CCDC116: variants seen among roughly 807,000 people sequenced by gnomAD.
CCDC116 encodes the protein coiled-coil domain-containing protein 116.
A neutral mutation model predicts 29.4 loss-of-function variants in CCDC116; 24 were observed. The observed-to-expected ratio is 0.82, with a 90% CI of 0.59 to 1.15. CCDC116 has a LOEUF of 1.15. Ranked by LOEUF, CCDC116 falls within the 50% of genes most tolerant of loss-of-function variation. CCDC116 has a pLI of 0.00. For missense variants in CCDC116, 791 were observed against 804.0 expected (o/e 0.98, Z 0.20); for synonymous variants, 298 against 331.4 (o/e 0.90, Z 1.10).
chr22:21,634,782 C>A lies in CCDC116; in HGVS notation c.719C>A (p.Ser240Tyr), dbSNP rs753519659. Residue 240 changes from serine (S) to tyrosine (Y), a missense_variant, in exon 4 of 5, where the codon TCC becomes TAC. By Grantham distance (144) the Ser-to-Tyr change is moderately radical (BLOSUM62 -2). Transcript: ENST00000292779. ...SFQWTQEQPLSWFSGLLGSSS... is the reference protein window; with the variant it reads ...SFQWTQEQPLYWFSGLLGSSS... The stretch of plus-strand genomic sequence containing the variant: ...CAGTGGACACAGGAGCAGCCCTTGT[C>A]CTGGTTCTCAGGGCTGCTGGGCTCA... 3 of 1,614,018 alleles carry A rather than the reference C, an allele frequency of 1.9e-6. No homozygotes were observed. The highest frequency in any genetic ancestry group is 1.6e-4 in the Middle Eastern group (1 of 6,062).
chr22:21,636,716 C>T lies in CCDC116; in HGVS notation c.1488C>T (p.Ser496=), dbSNP rs1930820190. Residue 496 remains serine (S), a synonymous_variant, in exon 5 of 5, where the codon AGC becomes AGT. Coordinates refer to ENST00000292779, the MANE Select transcript of CCDC116 (RefSeq NM_152612.3). ...ACCTGTCCTCGGAGACCCACCGGAG[C>T]TGCCTGCTGCGTAAACTGGAGGAGT... ...RIHLSSETHR[S]CLLRKLEESK... is the part of the protein sequence containing the mutation. The T allele has an allele frequency of 6.2e-7, 1 of 1,613,510 alleles. No homozygotes were observed. Among genetic ancestry groups the T allele is most frequent in the Non-Finnish European group, 8.5e-7 (1 of 1,180,024 alleles).
rs781429637 is a variant in CCDC116 at position 21,636,587 on chromosome 22, C to G, written c.1359C>G (p.Phe453Leu). 2 of 1,614,134 alleles carry G rather than the reference C, an allele frequency of 1.2e-6. No homozygotes were observed. The highest frequency in any genetic ancestry group is 1.7e-6 in the Non-Finnish European group (2 of 1,180,030). Residue 453 changes from phenylalanine to leucine, a missense_variant, in exon 5 of 5, where the codon TTC (phenylalanine) becomes TTG (leucine). Coordinates refer to ENST00000292779, the MANE Select transcript of CCDC116 (RefSeq NM_152612.3). The part of the protein sequence containing the change: ...AASLVIRKYE[F>L]EKDLSKQLGF... ...CCTTGGTCATCCGCAAGTACGAGTT[C>G]GAAAAGGACCTCAGTAAGCAGCTGG...
chr22:21,636,819 G>C lies in CCDC116; in HGVS notation c.1591G>C (p.Ala531Pro). Residue 531 changes from alanine (A) to proline (P), a missense_variant, in exon 5 of 5, where the codon GCC (alanine) becomes CCC (proline). Transcript: ENST00000292779. ...GACACCCTCTGTGCAGCAGGAACCAGCCACCCACACTGCCCAGGACCAGGC... is the reference window on the plus strand; with the variant it reads ...GACACCCTCTGTGCAGCAGGAACCACCCACCCACACTGCCCAGGACCAGGC... ...TETPSVQQEPATHTAQDQATE... is the reference protein window; with the variant it reads ...TETPSVQQEPPTHTAQDQATE... 1 of 1,613,106 alleles carries C rather than the reference G, an allele frequency of 6.2e-7. No individual in the cohort carries two copies. The highest frequency in any genetic ancestry group is 8.5e-7 in the Non-Finnish European group (1 of 1,180,000).
At chr22:21,633,013 G>A (rs1353085918) in intron 1 of CCDC116, 107 bp from the exon 2 acceptor site, 2 of 717,200 alleles carry the variant, frequency 2.8e-6, no homozygotes, top group South Asian at 3.0e-5. Context: ...GGAAGGGCTG[G>A]ATGCATGAAG....
In CCDC116 at chr22:21,634,835, C is replaced by T; in HGVS notation, c.772C>T (p.Pro258Ser). ...CTCTGGCGTGCCTGAAGCATCAGAG[C>T]CGAGGCCTGGAGAACAGGAGCCAAT... ...SSSGVPEASE[P>S]RPGEQEPIFR... The change falls in exon 4 of 5, where the codon CCG becomes TCG. Residue 258 changes from proline to serine, a missense_variant. Pro to Ser is a moderately conservative substitution (Grantham distance 74). Transcript: ENST00000292779. 1 of 1,614,016 alleles carries T rather than the reference C, an allele frequency of 6.2e-7. No individual in the cohort carries two copies. The highest frequency in any genetic ancestry group is 1.1e-5 in the South Asian group (1 of 91,088).
chr22:21,635,695 T>G (rs1930773077), intron 4 of CCDC116: 1 of 645,876 alleles, frequency 1.5e-6, no homozygotes, highest in African/African-American at 1.8e-5. Context: ...TGCCCTGCAC[T>G]GTGGAAACCT....
Position 21,634,876 on chromosome 22 carries a change from G to T in CCDC116, c.813G>T (p.Glu271Asp). 1 of 1,613,986 alleles carries T rather than the reference G, an allele frequency of 6.2e-7. No homozygotes were observed. ...GEQEPIFRKR[E>D]FNKEIKSLLS... is the part of the protein sequence containing the mutation. ...AGGAGCCAATCTTCCGCAAGCGAGA[G>T]TTCAATAAGGAGATCAAGTCATTAC... Residue 271 changes from glutamate to aspartate, a missense_variant, in exon 4 of 5, where the codon GAG (glutamate) becomes GAT (aspartate). Coordinates refer to ENST00000292779, the MANE Select transcript of CCDC116 (RefSeq NM_152612.3).
Position 21,633,999 on chromosome 22 carries a change from CT to C in CCDC116, c.73-22del, listed in dbSNP as rs568976617. 137 of 1,580,366 alleles carry C rather than the reference CT, an allele frequency of 8.7e-5. No homozygotes were observed. The South Asian group carries it at 1.5e-3, about 18-fold the overall frequency. ...TTCACCTGTAGGGCACCCCTGCCCC[CT>C]GTGACATACCTGTCTGCTCAGGTGC... On this transcript the variant is annotated intron_variant, in intron 2 of 4. Coordinates refer to ENST00000292779, the MANE Select transcript of CCDC116 (RefSeq NM_152612.3).
At position 21,634,769 on chromosome 22, in the gene CCDC116, G is replaced by C. The variant is rs1331598953; in HGVS notation, c.706G>C (p.Glu236Gln). The change falls in exon 4 of 5, where the codon GAG becomes CAG. Residue 236 changes from glutamate (E) to glutamine (Q), a missense_variant. Glu to Gln is a conservative substitution (Grantham distance 29). Transcript: ENST00000292779. The part of the protein sequence containing the change: ...GSQTSFQWTQ[E>Q]QPLSWFSGLL... Reference sequence around the variant, plus strand: ...CCAGACCAGCTTTCAGTGGACACAGGAGCAGCCCTTGTCCTGGTTCTCAGG... The same window carrying C: ...CCAGACCAGCTTTCAGTGGACACAGCAGCAGCCCTTGTCCTGGTTCTCAGG... The C allele has an allele frequency of 2.5e-6, 4 of 1,613,968 alleles. No homozygotes were observed. In the Admixed American group the frequency reaches 6.7e-5, roughly 27 times the overall value.
In CCDC116 at chr22:21,636,789, A is replaced by T. The variant is rs376893341; in HGVS notation, c.1561A>T (p.Thr521Ser). The change falls in exon 5 of 5, where the codon ACA becomes TCA. Residue 521 changes from threonine to serine, a missense_variant. Transcript: ENST00000292779. Reference sequence around the variant, plus strand: ...CCGGCTCAGCACCTCCCACTGCAGCACAGAGACACCCTCTGTGCAGCAGGA... The same window carrying T: ...CCGGCTCAGCACCTCCCACTGCAGCTCAGAGACACCCTCTGTGCAGCAGGA... ...ASRLSTSHCS[T>S]ETPSVQQEPA... 2.5e-6 allele frequency: 4 copies of T among 1,612,708 alleles called. No individual in the cohort carries two copies. The highest frequency in any genetic ancestry group is 3.4e-6 in the Non-Finnish European group (4 of 1,179,988).
At chr22:21,633,934 C>T (rs1930651959) in intron 2 of CCDC116, 88 bp from the exon 3 acceptor site, 1 of 1,331,588 alleles carries the variant, frequency 7.5e-7, no homozygotes, top group Admixed American at 2.2e-5. Flanking sequence ...CCTTCCACTA[C>T]TCACTCCCAC....
Position 21,636,639 on chromosome 22 carries a change from G to C in CCDC116, c.1411G>C (p.Val471Leu), listed in dbSNP as rs756410812. ...CTTCTTCTCCTTCCCCATCACCCACGTGCTCAGGGACCTTTCCCTGGGCTT... is the reference window on the plus strand; with the variant it reads ...CTTCTTCTCCTTCCCCATCACCCACCTGCTCAGGGACCTTTCCCTGGGCTT... The part of the protein sequence containing the change: ...LGFFSFPITH[V>L]LRDLSLGLKK... The change falls in exon 5 of 5, where the codon GTG (valine) becomes CTG (leucine). Residue 471 changes from valine (V) to leucine (L), a missense_variant. Coordinates refer to ENST00000292779, the MANE Select transcript of CCDC116 (RefSeq NM_152612.3). 5 of 1,614,010 alleles carry C rather than the reference G, an allele frequency of 3.1e-6. No homozygotes were observed. Among genetic ancestry groups the C allele is most frequent in the African/African-American group, 1.3e-5 (1 of 75,008 alleles).
intron 1 of CCDC116, 52 bp from the exon 2 acceptor site, chr22:21,633,068 C>A: frequency 1.2e-6 from 1 of 835,854 alleles, no homozygotes; most frequent in Non-Finnish European, 2.0e-6. Flanking sequence ...TCCAGGGCCA[C>A]AGATGCGTGG....
chr22:21,635,186 A>T lies in CCDC116; in HGVS notation c.1123A>T (p.Met375Leu), dbSNP rs1425800906. Residue 375 changes from methionine (M) to leucine (L), a missense_variant, in exon 4 of 5, where the codon ATG (methionine) becomes TTG (leucine). Physicochemically the swap from Met to Leu is conservative, Grantham distance 15 (BLOSUM62 2). Coordinates refer to ENST00000292779, the MANE Select transcript of CCDC116 (RefSeq NM_152612.3). Reference protein sequence around the residue: ...SPRPTVSSPKMLQRKRKDRGG... With the variant: ...SPRPTVSSPKLLQRKRKDRGG... ...CCGCCCCACAGTCTCCAGCCCCAAG[A>T]TGCTTCAGAGAAAACGCAAGGACAG... 2 of 1,600,540 alleles carry T rather than the reference A, an allele frequency of 1.2e-6. No homozygotes were observed. The highest frequency in any genetic ancestry group is 2.2e-5 in the South Asian group (2 of 91,068).
intron 4 of CCDC116, among the ~76,000 whole-genome samples, chr22:21,636,099 G>A (rs1386698913): frequency 6.6e-6 from 1 of 152,204 alleles, no homozygotes; most frequent in African/African-American, 2.4e-5. Context: ...CACAGGCCTG[G>A]GCAGGAGCCT....
Position 21,636,585 on chromosome 22 carries a change from T to C in CCDC116, c.1357T>C (p.Phe453Leu). ...AASLVIRKYE[F>L]EKDLSKQLGF... is the part of the protein sequence containing the mutation. ...CTCCTTGGTCATCCGCAAGTACGAG[T>C]TCGAAAAGGACCTCAGTAAGCAGCT... The change falls in exon 5 of 5, where the codon TTC becomes CTC. Residue 453 changes from phenylalanine (F) to leucine (L), a missense_variant. Physicochemically the swap from Phe to Leu is conservative, Grantham distance 22 (BLOSUM62 0). Transcript: ENST00000292779. 1 of 1,613,884 alleles carries C rather than the reference T, an allele frequency of 6.2e-7. No individual in the cohort carries two copies. The highest frequency in any genetic ancestry group is 8.5e-7 in the Non-Finnish European group (1 of 1,179,958).
intron 4 of CCDC116, 104 bp from the exon 5 acceptor site, chr22:21,636,328 C>T: frequency 1.9e-6 from 2 of 1,032,656 alleles, no homozygotes; most frequent in African/African-American, 1.6e-5. Flanking sequence ...ATGGGCAGGG[C>T]TGGCAGGGCT....
chr22:21,632,837 T>G lies in CCDC116; in HGVS notation c.-63+10T>G. The G allele has an allele frequency of 2.2e-6, 1 of 453,664 alleles. No individual in the cohort carries two copies. The highest frequency in any genetic ancestry group is 4.2e-6 in the Non-Finnish European group (1 of 238,650). 28.1% of individuals were successfully genotyped at this position (453,664 alleles called of 1,614,324 possible). On this transcript the variant is annotated intron_variant, in intron 1 of 4. Transcript: ENST00000292779. Reference sequence around the variant, plus strand: ...CAAGGCGGTGTTTCTGGTGAGTCTGTTGATTCTGGGCTGGGGTGAAAGCCA... The same window carrying G: ...CAAGGCGGTGTTTCTGGTGAGTCTGGTGATTCTGGGCTGGGGTGAAAGCCA...
rs2066041347 is a variant in CCDC116, at chr22:21,637,243, G to A, written c.*173G>A. 2.2e-6 allele frequency: 2 copies of A among 928,074 alleles called. No individual in the cohort carries two copies. The highest frequency in any genetic ancestry group is 3.2e-5 in the Admixed American group (1 of 31,606). The allele number at this position is 928,074 out of a possible 1,614,324, so 57.5% of individuals were successfully genotyped here. On this transcript the variant is annotated 3_prime_UTR_variant, in exon 5 of 5. Coordinates refer to ENST00000292779, the MANE Select transcript of CCDC116 (RefSeq NM_152612.3). ...GTCACCACAGGCTGAATGCCCACGA[G>A]GAGCTCTGCTGAGACTCTCAAGGGA...
Sources: gnomAD v4.1 joint callset for allele counts (sites outside exome capture counted in the v4.1 genomes callset) on GRCh38, gnomAD v4.1.1 for gene constraint, MANE v1.5 for transcripts, NCBI Gene and HGNC (gene_info 2026-07-23, HGNC 2026-07-21) for gene names.